Variants in NXPE1 observed in about 807,000 individuals in gnomAD.
NXPE1 encodes NXPE family member 1.
NXPE1 carries 31 observed loss-of-function variants against 33.3 expected under a neutral mutation model. That is an observed-to-expected ratio of 0.93 (90% confidence interval 0.70 to 1.26). The LOEUF is 1.26. Ranked by LOEUF, NXPE1 falls within the 50% of genes most tolerant of loss-of-function variation. The pLI, the probability that NXPE1 is intolerant of heterozygous loss-of-function variation, is 0.00. For missense variants in NXPE1, 661 were observed against 655.6 expected, an observed-to-expected ratio of 1.01 and a Z score of -0.09; for synonymous variants, 229 against 231.4, an observed-to-expected ratio of 0.99 and a Z score of 0.09.
At chr11:114,534,432 G>A (rs149168347) in intron 5 of NXPE1, among the ~76,000 whole-genome samples, 4,963 of 152,298 alleles carry the variant, frequency 0.033, 139 homozygotes, top group Admixed American at 0.089. Flanking sequence ...AAAGCTGGAC[G>A]GAGAATGACT....
intron 5 of NXPE1, among the ~76,000 whole-genome samples, chr11:114,546,429 T>G (rs1948285392): frequency 6.6e-6 from 1 of 151,966 alleles, no homozygotes; most frequent in Non-Finnish European, 1.5e-5. Context: ...GATATGCATG[T>G]ATTACTGGCT....
In NXPE1 at chr11:114,536,911, T is replaced by A. The variant is rs564477828; in HGVS notation, c.100-6003A>T. Reference sequence around the variant, plus strand: ...TATTCCAATCAGTAGAAAACGGGAATCCTCCCTAACTCATTTTATGAAGCC... The same window carrying A: ...TATTCCAATCAGTAGAAAACGGGAAACCTCCCTAACTCATTTTATGAAGCC... On this transcript the variant is annotated intron_variant, in intron 5 of 8. Coordinates refer to ENST00000534921, the Ensembl canonical transcript of NXPE1. 7.9e-5 allele frequency among the ~76,000 whole-genome samples: 12 copies of A among 151,978 alleles called. 1 individual carries two copies. The South Asian group carries it at 2.1e-3, about 26-fold the overall frequency.
chr11:114,557,633 A>G (rs1948683298), intron 1 of NXPE1, among the ~76,000 whole-genome samples: 1 of 47,862 alleles, frequency 2.1e-5, no homozygotes, highest in Non-Finnish European at 4.1e-5. Flanking sequence ...TATATATAAT[A>G]CATATATATA....
chr11:114,527,851 G>A (rs773885488), exon 7 of NXPE1: 7 of 1,606,230 alleles, frequency 4.4e-6, no homozygotes, highest in African/African-American at 2.7e-5. Context: ...GTTACAATTA[G>A]TGACATCAAT....
At chr11:114,527,941 T>A in intron 6 of NXPE1, 40 bp from the exon 7 acceptor site, 1 of 1,490,350 alleles carries the variant, frequency 6.7e-7, no homozygotes. Flanking sequence ...GCCTGCTCTC[T>A]GCCCATGTAA....
chr11:114,549,918 T>C (rs77569493), intron 5 of NXPE1, among the ~76,000 whole-genome samples: 9,284 of 151,922 alleles, frequency 0.061, 960 homozygotes, highest in African/African-American at 0.21. Flanking sequence ...CTTTTGTGTA[T>C]ATAGACAAAA....
At chr11:114,538,011 C>A (rs1452459166) in intron 5 of NXPE1, among the ~76,000 whole-genome samples, 2 of 152,198 alleles carry the variant, frequency 1.3e-5, no homozygotes, top group Non-Finnish European at 2.9e-5. Context: ...AGGCATCCCG[C>A]TACCTGACTT....
chr11:114,552,898 C>A lies in NXPE1; in HGVS notation c.-210-18G>T, dbSNP rs935029906. Reference sequence around the variant, plus strand: ...AGAATGCACTGAAAATAAGGAGAAGCAGCAAAATTAATGAAATAAACATTT... The same window carrying A: ...AGAATGCACTGAAAATAAGGAGAAGAAGCAAAATTAATGAAATAAACATTT... On this transcript the variant is annotated intron_variant, in intron 1 of 8. Coordinates refer to ENST00000534921, the Ensembl canonical transcript of NXPE1. 20 of 966,332 alleles carry A rather than the reference C, an allele frequency of 2.1e-5. No individual in the cohort carries two copies. The highest frequency in any genetic ancestry group is 5.3e-4 in the Middle Eastern group (1 of 1,894). The allele number at this position is 966,332 out of a possible 1,614,324, so 59.9% of individuals were successfully genotyped here.
chr11:114,556,261 G>A (rs1185449044), intron 1 of NXPE1, among the ~76,000 whole-genome samples: 2 of 152,106 alleles, frequency 1.3e-5, no homozygotes, highest in African/African-American at 2.4e-5. Flanking sequence ...TTTACACCAC[G>A]TTCCTCCTTT....
In NXPE1 at chr11:114,531,825, G is replaced by C. The variant is rs143429735; in HGVS notation, c.100-917C>G. 5.4e-3 allele frequency among the ~76,000 whole-genome samples: 829 copies of C among 152,194 alleles called. 6 individuals are homozygous for C. Among genetic ancestry groups the C allele is most frequent in the African/African-American group, 0.019 (793 of 41,516 alleles). On this transcript the variant is annotated intron_variant, in intron 5 of 8. Coordinates refer to ENST00000534921, the Ensembl canonical transcript of NXPE1. ...CCTTAGAAATCACTACAACCTCAGA[G>C]GTCACTTATGCTTTTGGCACTATAC...
intron 5 of NXPE1, among the ~76,000 whole-genome samples, chr11:114,531,936 C>T (rs1947601580): frequency 1.3e-5 from 2 of 152,166 alleles, no homozygotes; most frequent in East Asian, 1.9e-4. Context: ...AAAATATGCA[C>T]TCTTAGGCTT....
At position 114,529,826 on chromosome 11, in the gene NXPE1, A is replaced by C. The variant is rs193237864; in HGVS notation, c.833+349T>G. 2.2e-3 allele frequency: 488 copies of C among 221,464 alleles called. 1 individual carries two copies. The highest frequency in any genetic ancestry group is 9.7e-3 in the African/African-American group (424 of 43,544). The allele number at this position is 221,464 out of a possible 1,614,324, so 13.7% of individuals were successfully genotyped here. Reference sequence around the variant, plus strand: ...GAATAGCAGCACTGTGCGTGGGGGGAAATGGATCAACGCAAAGATATTTAA... The same window carrying C: ...GAATAGCAGCACTGTGCGTGGGGGGCAATGGATCAACGCAAAGATATTTAA... On this transcript the variant is annotated intron_variant, in intron 6 of 8. Transcript: ENST00000534921.
chr11:114,535,444 A>G (rs1030035882), intron 5 of NXPE1, among the ~76,000 whole-genome samples: 4 of 152,332 alleles, frequency 2.6e-5, no homozygotes, highest in African/African-American at 9.6e-5. Flanking sequence ...CTAACCATAA[A>G]TGTAAATGCG....
At chr11:114,529,983 T>C (rs538869429) in intron 6 of NXPE1, 192 bp downstream of exon 6, 2 of 554,368 alleles carry the variant, frequency 3.6e-6, no homozygotes, top group Admixed American at 3.5e-5. Context: ...AACACATGAC[T>C]GAATGGGACA....
At chr11:114,532,253 A>G (rs1947612366) in intron 5 of NXPE1, among the ~76,000 whole-genome samples, 1 of 152,196 alleles carries the variant, frequency 6.6e-6, no homozygotes, top group East Asian at 1.9e-4. Context: ...CCCACATTGA[A>G]GTTTTGAAAA....
chr11:114,529,082 T>G (rs773047414), intron 6 of NXPE1: 1 of 356,280 alleles, frequency 2.8e-6, no homozygotes. Context: ...TTAGCATATT[T>G]TTTTTGAAAG....
Position 114,547,476 on chromosome 11 carries a change from T to C in NXPE1, c.99+3627A>G, listed in dbSNP as rs141851775. Among the ~76,000 whole-genome samples the C allele has an allele frequency of 4.4e-3, 668 of 152,324 alleles. 10 individuals carry two copies. The highest frequency in any genetic ancestry group is 0.015 in the African/African-American group (639 of 41,580). On this transcript the variant is annotated intron_variant, in intron 5 of 8. Coordinates refer to ENST00000534921, the Ensembl canonical transcript of NXPE1. ...TTGGCTGGGTGCGGTGGCTCACGCC[T>C]GTAATCCCAGCACTTTGGGAGGCTG...
At position 114,541,942 on chromosome 11, in the gene NXPE1, T is replaced by C. The variant is rs1948112504; in HGVS notation, c.99+9161A>G. On this transcript the variant is annotated intron_variant, in intron 5 of 8. Coordinates refer to ENST00000534921, the Ensembl canonical transcript of NXPE1. Reference sequence around the variant, plus strand: ...ATGTTTATCAATTGTGTTTAGACCTTATCTCCATTTACTAAGTTAAGGTCT... The same window carrying C: ...ATGTTTATCAATTGTGTTTAGACCTCATCTCCATTTACTAAGTTAAGGTCT... Among the ~76,000 whole-genome samples, 3 of 152,200 alleles carry C rather than the reference T, an allele frequency of 2.0e-5. No homozygotes were observed. The South Asian group carries it at 6.2e-4, about 31-fold the overall frequency.
In NXPE1 at chr11:114,557,299, G is replaced by A. The variant is rs189466608; in HGVS notation, c.-211+2499C>T. Among the ~76,000 whole-genome samples, 341 of 151,682 alleles carry A rather than the reference G, an allele frequency of 2.2e-3. 1 individual carries two copies. Among genetic ancestry groups the A allele is most frequent in the African/African-American group, 6.5e-3 (268 of 41,350 alleles). On this transcript the variant is annotated intron_variant, in intron 1 of 8. Transcript: ENST00000534921. ...ACTTTAATAATTTCTACTCTATTTT[G>A]GAAATTTCAATATGCATCTTTGACT... is the stretch of plus-strand genomic sequence containing the variant.
Sources: allele counts gnomAD v4.1 joint callset (sites outside exome capture counted in the v4.1 genomes callset), GRCh38; gene constraint gnomAD v4.1.1; transcripts MANE v1.5; gene names NCBI Gene and HGNC (gene_info 2026-07-23, HGNC 2026-07-21).